FRMD5: variants seen among roughly 807,000 people sequenced by gnomAD.
The protein encoded by FRMD5 is FERM domain-containing protein 5.
FRMD5 carries 20 observed loss-of-function variants against 69.0 expected under a neutral mutation model. That is an observed-to-expected ratio of 0.29 (90% CI 0.20 to 0.42). FRMD5 has a LOEUF of 0.42. Among genes scored for constraint, FRMD5 ranks in the 10% least tolerant of loss-of-function variants. The pLI is 1.00. For synonymous variants in FRMD5, 271 were observed against 260.1 expected, an observed-to-expected ratio of 1.04 and a Z score of -0.40; for missense variants, 595 against 708.6, an observed-to-expected ratio of 0.84 and a Z score of 1.82.
intron 1 of FRMD5, among the ~76,000 whole-genome samples, chr15:44,021,067 T>C (rs959383653): frequency 2.0e-5 from 3 of 152,280 alleles, no homozygotes; most frequent in Non-Finnish European, 4.4e-5. Context: ...GGCAGCTCAT[T>C]TGAGTCCAAG....
intron 7 of FRMD5, among the ~76,000 whole-genome samples, chr15:43,893,128 CAAAA>C (rs397957563): frequency 4.3e-5 from 5 of 117,410 alleles, no homozygotes; most frequent in African/African-American, 8.5e-5. Context: ...AACGAAAAAA[CAAAA>C]AAAAAAAAAA....
chr15:43,898,954 C>T (rs143223223), intron 7 of FRMD5, among the ~76,000 whole-genome samples: 2 of 152,314 alleles, frequency 1.3e-5, no homozygotes, highest in African/African-American at 4.8e-5. Context: ...TCAGTGTGCA[C>T]AGGAAGAACA....
chr15:44,062,689 CAAAA>C (rs35998128), intron 1 of FRMD5, among the ~76,000 whole-genome samples: 1 of 118,118 alleles, frequency 8.5e-6, no homozygotes. Context: ...GACTCTGTCT[CAAAA>C]AAAAAAAAAA....
chr15:44,027,706 A>G (rs902319448), intron 1 of FRMD5, among the ~76,000 whole-genome samples: 3 of 138,894 alleles, frequency 2.2e-5, no homozygotes, highest in African/African-American at 8.5e-5. Flanking sequence ...GCTGGAGTGC[A>G]GTGGTGCCAT....
rs562222861 is a variant in FRMD5 at position 43,952,760 on chromosome 15, A to G, written c.103-28451T>C. ...GCGGTCAGCACGCAGCTTTTGTCAG[A>G]GGCTGCTGAAGGCAGCTTTGCTGGA... On this transcript the variant is annotated intron_variant, in intron 1 of 13. Coordinates refer to ENST00000417257, the MANE Select transcript of FRMD5 (RefSeq NM_032892.5). Among the ~76,000 whole-genome samples the G allele has an allele frequency of 4.6e-5, 7 of 152,366 alleles. No homozygotes were observed. In the South Asian group the frequency reaches 1.2e-3, roughly 27 times the overall value.
chr15:43,977,588 A>G (rs962637084), intron 1 of FRMD5, among the ~76,000 whole-genome samples: 2 of 152,228 alleles, frequency 1.3e-5, no homozygotes, highest in African/African-American at 4.8e-5. Flanking sequence ...AATTTCATCA[A>G]GCAGGGTAAA....
intron 1 of FRMD5, among the ~76,000 whole-genome samples, chr15:44,154,364 T>C (rs556312098): frequency 6.7e-6 from 1 of 148,492 alleles, no homozygotes; most frequent in African/African-American, 2.5e-5. Context: ...GAAAAAACTT[T>C]AAAAAAAAAA....
At chr15:43,945,422 G>A (rs1213751483) in intron 1 of FRMD5, among the ~76,000 whole-genome samples, 1 of 152,106 alleles carries the variant, frequency 6.6e-6, no homozygotes, top group African/African-American at 2.4e-5. Context: ...CAAAGTCACG[G>A]TCAGTTGTAG....
chr15:44,189,108 T>C (rs1045190074), intron 1 of FRMD5, among the ~76,000 whole-genome samples: 1 of 152,216 alleles, frequency 6.6e-6, no homozygotes, highest in African/African-American at 2.4e-5. Context: ...TCACACAAGT[T>C]TGTGTTTAGT....
chr15:43,974,955 C>T (rs1471002487), intron 1 of FRMD5, among the ~76,000 whole-genome samples: 5 of 152,220 alleles, frequency 3.3e-5, no homozygotes, highest in Non-Finnish European at 4.4e-5. Context: ...TGCCAAGTTG[C>T]CTGTTGGCTC....
intron 1 of FRMD5, among the ~76,000 whole-genome samples, chr15:43,948,074 G>T (rs530934217): frequency 2.0e-5 from 3 of 152,160 alleles, no homozygotes; most frequent in Non-Finnish European, 2.9e-5. Flanking sequence ...ACCTTATGAG[G>T]TAGGTACCAC....
intron 1 of FRMD5, among the ~76,000 whole-genome samples, chr15:43,926,611 G>A (rs1000945182): frequency 2.0e-5 from 3 of 151,930 alleles, no homozygotes; most frequent in Non-Finnish European, 4.4e-5. Context: ...CTGATCTCGC[G>A]GCAGTTATGT....
At chr15:43,892,633 A>G (rs1248180674) in intron 7 of FRMD5, among the ~76,000 whole-genome samples, 1 of 152,260 alleles carries the variant, frequency 6.6e-6, no homozygotes, top group Non-Finnish European at 1.5e-5. Context: ...AACAAGTAGT[A>G]TCATGATACA....
At chr15:44,196,037 G>C (rs1374778916), upstream of FRMD5, among the ~76,000 whole-genome samples, 1 of 152,144 alleles carries the variant, frequency 6.6e-6, no homozygotes. Flanking sequence ...TAGTATGTCA[G>C]GAGGTATACA....
At chr15:43,957,887 C>T (rs2090139552) in intron 1 of FRMD5, among the ~76,000 whole-genome samples, 1 of 152,194 alleles carries the variant, frequency 6.6e-6, no homozygotes, top group Non-Finnish European at 1.5e-5. Flanking sequence ...ACTCTTCCTC[C>T]TTAACACACA....
At chr15:44,018,937 C>T (rs1192259690) in intron 1 of FRMD5, among the ~76,000 whole-genome samples, 2 of 151,910 alleles carry the variant, frequency 1.3e-5, no homozygotes, top group Non-Finnish European at 2.9e-5. Context: ...ACTCTGTCAC[C>T]CAGGCTGGAG....
At position 44,194,981 on chromosome 15, in the gene FRMD5, T is replaced by C; in HGVS notation, c.74A>G (p.Asp25Gly). Residue 25 changes from aspartate (D) to glycine (G), a missense_variant, in exon 1 of 14, where the codon GAC (aspartate) becomes GGC (glycine). Transcript: ENST00000417257. ...REYSCTVRLL[D>G]DSEYTCTIQR... ...GATGGTGCAGGTGTACTCGCTGTCG[T>C]CCAGCAGCCGCACGGTGCAGCTGTA... is the stretch of plus-strand genomic sequence containing the variant. 1 of 1,547,722 alleles carries C rather than the reference T, an allele frequency of 6.5e-7. No homozygotes were observed. The highest frequency in any genetic ancestry group is 8.7e-7 in the Non-Finnish European group (1 of 1,151,052).
At chr15:44,192,144 G>C (rs1202451524) in intron 1 of FRMD5, among the ~76,000 whole-genome samples, 2 of 151,944 alleles carry the variant, frequency 1.3e-5, no homozygotes, top group African/African-American at 4.8e-5. Flanking sequence ...TGAAAGAATA[G>C]TCTGGTAACT....
intron 1 of FRMD5, among the ~76,000 whole-genome samples, chr15:43,930,299 G>C (rs1350169175): frequency 6.6e-6 from 1 of 152,180 alleles, no homozygotes; most frequent in Non-Finnish European, 1.5e-5. Flanking sequence ...CTCATTCCAG[G>C]GGGAAATGCA....
Sources: gnomAD v4.1 joint callset for allele counts (sites outside exome capture counted in the v4.1 genomes callset) on GRCh38, gnomAD v4.1.1 for gene constraint, MANE v1.5 for transcripts, NCBI Gene and HGNC (gene_info 2026-07-23, HGNC 2026-07-21) for gene names.